DENND1A: variants seen among roughly 807,000 people sequenced by gnomAD.
The protein encoded by DENND1A is DENN domain containing 1A, also known as DENN domain-containing protein 1A.
DENND1A carries 51 observed loss-of-function variants against 113.7 expected under a neutral mutation model. That is an observed-to-expected ratio of 0.45 (90% CI 0.36 to 0.57). The LOEUF (loss-of-function observed/expected upper bound fraction) is 0.57, where lower values mean the gene tolerates loss of function less well. Among genes scored for constraint, DENND1A ranks in the 20% least tolerant of loss-of-function variants. The probability of loss-of-function intolerance (pLI) is 0.00; values close to 1 mark genes in which losing one functional copy is unlikely to be tolerated. For synonymous variants in DENND1A, 565 were observed against 570.8 expected, an observed-to-expected ratio of 0.99 and a Z score of 0.14; for missense variants, 1,258 against 1,395.9, an observed-to-expected ratio of 0.90 and a Z score of 1.57.
chr9:123,421,043 G>A (rs1241009552), intron 19 of DENND1A, among the ~76,000 whole-genome samples: 2 of 148,400 alleles, frequency 1.3e-5, no homozygotes, highest in Admixed American at 6.7e-5. Flanking sequence ...CCAGACAGAA[G>A]CAGGAGGCAG....
At chr9:123,454,512 G>C (rs1276369188) in intron 16 of DENND1A, among the ~76,000 whole-genome samples, 1 of 152,234 alleles carries the variant, frequency 6.6e-6, no homozygotes, top group Non-Finnish European at 1.5e-5. Flanking sequence ...TTCCTGCAGA[G>C]GAGGAAGCCT....
At chr9:123,513,358 T>A (rs1460363483) in intron 13 of DENND1A, among the ~76,000 whole-genome samples, 1 of 152,240 alleles carries the variant, frequency 6.6e-6, no homozygotes, top group Non-Finnish European at 1.5e-5. Context: ...ATACGTCGGA[T>A]GCATGTTACT....
At chr9:123,888,540 C>T (rs932959305) in intron 1 of DENND1A, among the ~76,000 whole-genome samples, 7 of 152,136 alleles carry the variant, frequency 4.6e-5, no homozygotes, top group South Asian at 2.1e-4. Context: ...ACTGCTGGAC[C>T]GCAAAGAGCA....
Position 123,379,701 on chromosome 9 carries a change from G to GT in DENND1A, c.*1730_*1731insA, listed in dbSNP as rs2042179972. 6.6e-6 allele frequency: 1 copy of GT among 152,258 alleles called. No homozygotes were observed. Among genetic ancestry groups the GT allele is most frequent in the South Asian group, 2.1e-4 (1 of 4,834 alleles). The allele number at this position is 152,258 out of a possible 1,614,324, so 9.4% of individuals were successfully genotyped here. The stretch of plus-strand genomic sequence containing the variant: ...TTGAATGCACACAAAGTTCATCCTT[G>GT]GGTTTGCAAAAAGTCCCACAAGTGA... On this transcript the variant is annotated 3_prime_UTR_variant, in exon 24 of 24. Coordinates refer to ENST00000394215, the MANE Select transcript of DENND1A (RefSeq NM_001352964.2).
intron 3 of DENND1A, among the ~76,000 whole-genome samples, chr9:123,781,638 T>C (rs1018724456): frequency 6.6e-6 from 1 of 152,202 alleles, no homozygotes; most frequent in Non-Finnish European, 1.5e-5. Context: ...AAGTTAGTAT[T>C]ATTAATACTT....
At chr9:123,639,651 C>T (rs529241984) in intron 9 of DENND1A, among the ~76,000 whole-genome samples, 12 of 151,706 alleles carry the variant, frequency 7.9e-5, no homozygotes, top group Non-Finnish European at 2.9e-5. Context: ...GTGCCACATG[C>T]CTGTAATCTC....
At chr9:123,473,986 CTTTTTTTT>C (rs5900577) in intron 13 of DENND1A, among the ~76,000 whole-genome samples, 14 of 70,720 alleles carry the variant, frequency 2.0e-4, no homozygotes, top group East Asian at 1.8e-3. Context: ...TACTTTCTTT[CTTTTTTTT>C]TTTTTTTTTT....
At chr9:123,451,976 T>C (rs1335045144) in intron 17 of DENND1A, among the ~76,000 whole-genome samples, 1 of 150,114 alleles carries the variant, frequency 6.7e-6, no homozygotes, top group Admixed American at 6.6e-5. Flanking sequence ...GGCAGGAGGA[T>C]TGCTTGAGCC....
At chr9:123,655,990 G>T (rs192657153) in intron 8 of DENND1A, among the ~76,000 whole-genome samples, 1 of 152,226 alleles carries the variant, frequency 6.6e-6, no homozygotes, top group South Asian at 2.1e-4. Context: ...ACTCTGGGGT[G>T]GGAGGGACAT....
At chr9:123,888,134 T>G (rs1312070942) in intron 1 of DENND1A, among the ~76,000 whole-genome samples, 3 of 152,138 alleles carry the variant, frequency 2.0e-5, no homozygotes, top group African/African-American at 7.2e-5. Context: ...AATAGCTGAT[T>G]CTAGCACTAA....
At chr9:123,718,970 C>T (rs142360357) in intron 5 of DENND1A, among the ~76,000 whole-genome samples, 17 of 152,188 alleles carry the variant, frequency 1.1e-4, no homozygotes, top group African/African-American at 3.6e-4. Context: ...ATACTGTTCT[C>T]GTGGTAGTGA....
At chr9:123,660,693 CATTT>C (rs1264381548) in intron 8 of DENND1A, among the ~76,000 whole-genome samples, 2 of 152,162 alleles carry the variant, frequency 1.3e-5, no homozygotes, top group Non-Finnish European at 2.9e-5. Context: ...ATTAAACATA[CATTT>C]ATCTTTTCTC....
At chr9:123,553,247 G>A (rs7848680) in intron 13 of DENND1A, among the ~76,000 whole-genome samples, 15,341 of 151,980 alleles carry the variant, frequency 0.1, 1,396 homozygotes, top group African/African-American at 0.23. Context: ...GCGAGACCCC[G>A]TCTCAAAATA....
chr9:123,383,526 G>A (rs781407974), intron 23 of DENND1A, 129 bp downstream of exon 23: 85 of 1,403,294 alleles, frequency 6.1e-5, no homozygotes, highest in Middle Eastern at 5.2e-4. Context: ...CACTGACCCT[G>A]AGCATTGGCT....
At chr9:123,785,184 A>AT (rs200647398) in intron 3 of DENND1A, among the ~76,000 whole-genome samples, 56 of 150,230 alleles carry the variant, frequency 3.7e-4, no homozygotes, top group South Asian at 4.2e-4. Context: ...CTAAAAAAAG[A>AT]TTTTTTTTTT....
At chr9:123,808,973 C>G (rs1347782541) in intron 2 of DENND1A, among the ~76,000 whole-genome samples, 1 of 152,162 alleles carries the variant, frequency 6.6e-6, no homozygotes, top group East Asian at 1.9e-4. Flanking sequence ...AAGCTACAAA[C>G]TATTTTCCAA....
intron 20 of DENND1A, among the ~76,000 whole-genome samples, chr9:123,406,297 G>A (rs2131376363): frequency 6.6e-6 from 1 of 152,330 alleles, no homozygotes; most frequent in African/African-American, 2.4e-5. Context: ...CACCAAACTG[G>A]CTGTCTTCAT....
intron 13 of DENND1A, among the ~76,000 whole-genome samples, chr9:123,480,366 G>A (rs2050237123): frequency 6.6e-6 from 1 of 152,156 alleles, no homozygotes; most frequent in Admixed American, 6.5e-5. Context: ...TAGCGTGCCA[G>A]CCCCCCAAGG....
At chr9:123,577,643 T>A (rs1454328332) in intron 12 of DENND1A, among the ~76,000 whole-genome samples, 1 of 151,598 alleles carries the variant, frequency 6.6e-6, no homozygotes, top group Admixed American at 6.6e-5. Flanking sequence ...TTCTTGCACA[T>A]CAGATTGATC....
Sources: allele counts gnomAD v4.1 joint callset (sites outside exome capture counted in the v4.1 genomes callset), GRCh38; gene constraint gnomAD v4.1.1; transcripts MANE v1.5; gene names NCBI Gene and HGNC (gene_info 2026-07-23, HGNC 2026-07-21).